The following PPP2R2B variants were observed in gnomAD, a reference collection of about 807,000 sequenced individuals.
PPP2R2B encodes serine/threonine-protein phosphatase 2A 55 kDa regulatory subunit B beta isoform.
PPP2R2B carries 5 observed loss-of-function variants against 46.0 expected under a neutral mutation model. The ratio of observed to expected loss-of-function variants is 0.11; its 90% CI spans 0.06 to 0.23. The LOEUF (loss-of-function observed/expected upper bound fraction) is 0.23. Ranked by LOEUF, PPP2R2B falls within the 10% of genes least tolerant of loss-of-function variation. The probability of loss-of-function intolerance (pLI) is 1.00; values close to 1 mark genes in which losing one functional copy is unlikely to be tolerated. For missense variants in PPP2R2B, 367 were observed against 575.0 expected (o/e 0.64, Z 3.70); for synonymous variants, 215 against 206.7 (o/e 1.04, Z -0.34).
chr5:146,727,430 A>G (rs1751945244), intron 2 of PPP2R2B, among the ~76,000 whole-genome samples: 1 of 152,168 alleles, frequency 6.6e-6, no homozygotes, highest in African/African-American at 2.4e-5. Flanking sequence ...TAATTAACAT[A>G]ACTATCACCT....
At chr5:146,965,065 G>C (rs1224147074) in intron 1 of PPP2R2B, among the ~76,000 whole-genome samples, 1 of 152,092 alleles carries the variant, frequency 6.6e-6, no homozygotes, top group Non-Finnish European at 1.5e-5. Context: ...ATGACAAACT[G>C]TGTGTTTATA....
intron 2 of PPP2R2B, chr5:146,706,719 G>GT (rs1331544432): frequency 1.2e-6 from 1 of 835,938 alleles, no homozygotes; most frequent in Non-Finnish European, 2.1e-6. Flanking sequence ...CTCAGTCTTT[G>GT]TAAGACGCAG....
chr5:146,822,903 C>T (rs1045844882), intron 2 of PPP2R2B, among the ~76,000 whole-genome samples: 1 of 152,154 alleles, frequency 6.6e-6, no homozygotes, highest in Non-Finnish European at 1.5e-5. Context: ...AAACTAAAAG[C>T]AATGCAGTCC....
At position 146,767,690 on chromosome 5, in the gene PPP2R2B, C is replaced by A. The variant is rs192863248; in HGVS notation, c.71-66548G>T. The stretch of plus-strand genomic sequence containing the variant: ...CAGCCTCCCCATTATCAACAACCTC[C>A]ACCACAGTGGTTCATTTGTTGCAAT... On this transcript the variant is annotated intron_variant, in intron 2 of 9. Transcript: ENST00000394411. Among the ~76,000 whole-genome samples, 5 of 152,268 alleles carry A rather than the reference C, an allele frequency of 3.3e-5. No individual in the cohort carries two copies. In the East Asian group the frequency reaches 9.7e-4, roughly 29 times the overall value.
intron 2 of PPP2R2B, among the ~76,000 whole-genome samples, chr5:147,063,638 T>C (rs1000339039): frequency 1.3e-5 from 2 of 152,182 alleles, no homozygotes; most frequent in Non-Finnish European, 2.9e-5. Flanking sequence ...ATCTCTGCAT[T>C]TTAATTAAAT....
chr5:146,880,742 G>A (rs956478007), upstream of PPP2R2B, among the ~76,000 whole-genome samples: 28 of 152,152 alleles, frequency 1.8e-4, no homozygotes, highest in Admixed American at 6.5e-4. Flanking sequence ...TGGGGAGAAT[G>A]TCCCTTCCAC....
chr5:146,941,919 G>A (rs890933808), intron 1 of PPP2R2B, among the ~76,000 whole-genome samples: 1 of 152,138 alleles, frequency 6.6e-6, no homozygotes, highest in African/African-American at 2.4e-5. Flanking sequence ...TCTGAAACCT[G>A]TAGAGGAGAA....
chr5:146,687,308 G>T (rs551378394), intron 5 of PPP2R2B, among the ~76,000 whole-genome samples: 3 of 152,102 alleles, frequency 2.0e-5, no homozygotes, highest in Non-Finnish European at 2.9e-5. Context: ...GCATCGGATC[G>T]AAGGGCTCAG....
At chr5:146,883,888 C>A (rs1762243605) in intron 1 of PPP2R2B, among the ~76,000 whole-genome samples, 1 of 152,124 alleles carries the variant, frequency 6.6e-6, no homozygotes, top group Non-Finnish European at 1.5e-5. Context: ...GTCTCTGCAA[C>A]TGAAATTCAA....
At chr5:146,801,007 A>C (rs1195101417) in intron 2 of PPP2R2B, among the ~76,000 whole-genome samples, 1 of 152,212 alleles carries the variant, frequency 6.6e-6, no homozygotes, top group Non-Finnish European at 1.5e-5. Context: ...TTTAAAAGGA[A>C]GGAAATCCTG....
intron 2 of PPP2R2B, among the ~76,000 whole-genome samples, chr5:146,745,825 G>A (rs1753157326): frequency 6.6e-6 from 1 of 152,144 alleles, no homozygotes; most frequent in Non-Finnish European, 1.5e-5. Context: ...AGGCATGGTG[G>A]TGCATGCCTA....
chr5:146,645,445 T>C (rs1775518897), intron 6 of PPP2R2B, among the ~76,000 whole-genome samples: 1 of 152,064 alleles, frequency 6.6e-6, no homozygotes, highest in African/African-American at 2.4e-5. Context: ...AAGAGACACA[T>C]GGTGTCATAT....
intron 2 of PPP2R2B, among the ~76,000 whole-genome samples, chr5:147,075,960 A>G (rs200272920): frequency 1.3e-5 from 2 of 152,246 alleles, no homozygotes; most frequent in East Asian, 3.9e-4. Flanking sequence ...TTCTAATTAT[A>G]TTATCATAAG....
At chr5:146,670,180 A>G (rs456376) in intron 5 of PPP2R2B, among the ~76,000 whole-genome samples, 143,331 of 152,264 alleles carry the variant, frequency 0.94, 67,822 homozygotes, top group East Asian at 1. Flanking sequence ...ACACAGAACA[A>G]ATATTCAACA....
chr5:146,775,125 A>C (rs977534321), intron 2 of PPP2R2B, among the ~76,000 whole-genome samples: 4 of 152,180 alleles, frequency 2.6e-5, no homozygotes, highest in African/African-American at 7.2e-5. Context: ...AAACAAAAAC[A>C]CTTTCTTAAT....
At chr5:147,058,804 C>A (rs1757170087), upstream of PPP2R2B, among the ~76,000 whole-genome samples, 2 of 152,140 alleles carry the variant, frequency 1.3e-5, no homozygotes, top group African/African-American at 4.8e-5. Flanking sequence ...ATTCTCTCAG[C>A]AATCCCATTT....
intron 2 of PPP2R2B, among the ~76,000 whole-genome samples, chr5:146,757,818 C>T (rs1411272250): frequency 6.6e-6 from 1 of 152,130 alleles, no homozygotes; most frequent in East Asian, 1.9e-4. Flanking sequence ...CAAGTGGAAC[C>T]CTTTGCCCTG....
intron 2 of PPP2R2B, among the ~76,000 whole-genome samples, chr5:146,827,612 A>G (rs1254441661): frequency 1.3e-5 from 2 of 152,166 alleles, no homozygotes; most frequent in African/African-American, 2.4e-5. Context: ...AACAAAACCA[A>G]TATAGTCTTG....
At chr5:146,617,219 G>T (rs1451254925) in intron 7 of PPP2R2B, among the ~76,000 whole-genome samples, 1 of 152,156 alleles carries the variant, frequency 6.6e-6, no homozygotes, top group Non-Finnish European at 1.5e-5. Flanking sequence ...GGTTACCAGA[G>T]GTTGGGGGGC....
Sources: gnomAD v4.1 joint callset for allele counts (sites outside exome capture counted in the v4.1 genomes callset) on GRCh38, gnomAD v4.1.1 for gene constraint, MANE v1.5 for transcripts, NCBI Gene and HGNC (gene_info 2026-07-23, HGNC 2026-07-21) for gene names.